OPCML: variants seen among roughly 807,000 people sequenced by gnomAD.
OPCML encodes the protein opioid binding protein/cell adhesion molecule like, also known as opioid-binding protein/cell adhesion molecule.
In OPCML, 13 loss-of-function variants were observed where a neutral mutation model predicts 37.8. The ratio of observed to expected loss-of-function variants is 0.34; its 90% CI spans 0.22 to 0.55. OPCML has a LOEUF of 0.55. Among genes scored for constraint, OPCML ranks in the 20% least tolerant of loss-of-function variants. The pLI is 0.91. For synonymous variants in OPCML, 176 were observed against 168.8 expected, an observed-to-expected ratio of 1.04 and a Z score of -0.33; for missense variants, 341 against 435.6, an observed-to-expected ratio of 0.78 and a Z score of 1.93.
At position 132,490,820 on chromosome 11, in the gene OPCML, G is replaced by GA. The variant is rs531599212; in HGVS notation, c.505+38240dup. Reference sequence around the variant, plus strand: ...AGCGAGACTCTATCTCAAAAAAAAAGAAAAAAAAAAAAAAGAAATGAAGAA... The same window carrying GA: ...AGCGAGACTCTATCTCAAAAAAAAAGAAAAAAAAAAAAAAAGAAATGAAGAA... On this transcript the variant is annotated intron_variant, in intron 4 of 7. Coordinates refer to ENST00000524381, the MANE Select transcript of OPCML (RefSeq NM_001012393.5). Among the ~76,000 whole-genome samples the GA allele has an allele frequency of 3.0e-3, 356 of 117,860 alleles. 1 individual carries two copies. The highest frequency in any genetic ancestry group is 0.011 in the Admixed American group (123 of 11,520). The allele number at this position is 117,860 out of a possible 152,430, so 77.3% of individuals were successfully genotyped here.
intron 1 of OPCML, among the ~76,000 whole-genome samples, chr11:132,993,452 C>T (rs1269681378): frequency 6.6e-5 from 10 of 152,150 alleles, no homozygotes; most frequent in Non-Finnish European, 1.2e-4. Flanking sequence ...AGCATGGATG[C>T]CTTGGGCTTA....
intron 1 of OPCML, among the ~76,000 whole-genome samples, chr11:133,102,613 G>A (rs1051239646): frequency 6.6e-6 from 1 of 152,094 alleles, no homozygotes; most frequent in African/African-American, 2.4e-5. Flanking sequence ...CACCAGGCGT[G>A]GTGGCAGGTG....
intron 2 of OPCML, among the ~76,000 whole-genome samples, chr11:132,708,124 G>A (rs952828215): frequency 1.1e-4 from 16 of 152,246 alleles, no homozygotes; most frequent in East Asian, 5.8e-4. Context: ...TGCTTCTGCC[G>A]TGGTGATTAT....
chr11:132,848,990 A>G (rs1196177169), intron 2 of OPCML, among the ~76,000 whole-genome samples: 1 of 152,212 alleles, frequency 6.6e-6, no homozygotes, highest in African/African-American at 2.4e-5. Flanking sequence ...CCTTGGCTTC[A>G]CACACAATCA....
chr11:132,852,087 A>G (rs972802649), intron 2 of OPCML, among the ~76,000 whole-genome samples: 2 of 152,222 alleles, frequency 1.3e-5, no homozygotes, highest in Non-Finnish European at 1.5e-5. Flanking sequence ...TCTTACCACC[A>G]GAGACGGGCA....
intron 1 of OPCML, among the ~76,000 whole-genome samples, chr11:133,440,908 G>A (rs894593523): frequency 6.7e-6 from 1 of 149,844 alleles, no homozygotes; most frequent in Non-Finnish European, 1.5e-5. Context: ...TACACTACAG[G>A]CTTAGCCAAT....
At chr11:132,739,438 G>A (rs1275966195) in intron 2 of OPCML, among the ~76,000 whole-genome samples, 2 of 152,166 alleles carry the variant, frequency 1.3e-5, no homozygotes, top group African/African-American at 4.8e-5. Flanking sequence ...TCCCTAACTA[G>A]TATTCTGGAA....
chr11:132,702,485 C>T lies in OPCML; in HGVS notation c.147-45166G>A, dbSNP rs148784897. ...GTCACTTTTCTCTTGCTGCATTTAA[C>T]GTTCTTTCTTTGTCTTTGACTTTTG... On this transcript the variant is annotated intron_variant, in intron 2 of 7. Coordinates refer to ENST00000524381, the MANE Select transcript of OPCML (RefSeq NM_001012393.5). 2.0e-3 allele frequency among the ~76,000 whole-genome samples: 300 copies of T among 152,242 alleles called. 3 individuals carry two copies. Among genetic ancestry groups the T allele is most frequent in the African/African-American group, 6.8e-3 (281 of 41,542 alleles).
intron 1 of OPCML, chr11:133,065,647 G>A (rs1948430224): frequency 6.6e-6 from 1 of 152,318 alleles, no homozygotes; most frequent in African/African-American, 2.4e-5. Context: ...CACGTAACTG[G>A]GACCTCAAGG....
At chr11:132,954,351 C>A (rs1015829204) in intron 1 of OPCML, among the ~76,000 whole-genome samples, 5 of 138,762 alleles carry the variant, frequency 3.6e-5, no homozygotes, top group African/African-American at 1.3e-4. Context: ...CAAAATGAGG[C>A]CATTAAAATT....
intron 1 of OPCML, among the ~76,000 whole-genome samples, chr11:133,314,568 AAAAG>A (rs1565566779): frequency 6.6e-6 from 1 of 151,728 alleles, no homozygotes; most frequent in Non-Finnish European, 1.5e-5. Flanking sequence ...AAAAAAAAAA[AAAAG>A]AAAGAAAAGA....
chr11:133,456,812 A>T (rs1250439535), intron 1 of OPCML, among the ~76,000 whole-genome samples: 1 of 152,082 alleles, frequency 6.6e-6, no homozygotes, highest in Non-Finnish European at 1.5e-5. Flanking sequence ...GAACTTCAAG[A>T]CAGGTGATTT....
At chr11:133,176,096 C>T (rs1028115384) in intron 1 of OPCML, among the ~76,000 whole-genome samples, 8 of 152,132 alleles carry the variant, frequency 5.3e-5, no homozygotes, top group Non-Finnish European at 8.8e-5. Flanking sequence ...AATGGATCTC[C>T]ACATAATTCC....
chr11:133,075,334 C>G (rs1159940543), intron 1 of OPCML, among the ~76,000 whole-genome samples: 1 of 152,194 alleles, frequency 6.6e-6, no homozygotes, highest in Non-Finnish European at 1.5e-5. Flanking sequence ...AAAACCAGGA[C>G]AGAGCGTGCT....
At chr11:133,344,475 G>A (rs757441858) in intron 1 of OPCML, among the ~76,000 whole-genome samples, 11 of 151,946 alleles carry the variant, frequency 7.2e-5, no homozygotes, top group African/African-American at 1.9e-4. Context: ...ATCCTGTTGC[G>A]TTCTGACATT....
chr11:132,841,062 A>G (rs1941264929), intron 2 of OPCML, among the ~76,000 whole-genome samples: 1 of 152,166 alleles, frequency 6.6e-6, no homozygotes, highest in Admixed American at 6.5e-5. Flanking sequence ...CTATCCCATA[A>G]GGCTGTTTGC....
At chr11:132,957,867 T>C (rs1946004549) in intron 1 of OPCML, among the ~76,000 whole-genome samples, 2 of 152,314 alleles carry the variant, frequency 1.3e-5, no homozygotes, top group Non-Finnish European at 2.9e-5. Context: ...CCAACCATTC[T>C]CCAGTCTCTC....
chr11:133,101,308 A>C (rs2137072641), intron 1 of OPCML, among the ~76,000 whole-genome samples: 1 of 152,226 alleles, frequency 6.6e-6, no homozygotes, highest in East Asian at 1.9e-4. Flanking sequence ...TAAAATTAAA[A>C]ACTTATACTC....
chr11:132,828,498 A>G (rs1214654975), intron 2 of OPCML, among the ~76,000 whole-genome samples: 3 of 152,174 alleles, frequency 2.0e-5, no homozygotes, highest in Non-Finnish European at 4.4e-5. Flanking sequence ...GAAGGAGGCT[A>G]TAAGTAAGAA....
Sources: gnomAD v4.1 joint callset for allele counts (sites outside exome capture counted in the v4.1 genomes callset) on GRCh38, gnomAD v4.1.1 for gene constraint, MANE v1.5 for transcripts, NCBI Gene and HGNC (gene_info 2026-07-23, HGNC 2026-07-21) for gene names.